HIBADH: variants seen among roughly 807,000 people sequenced by gnomAD.
HIBADH encodes the protein 3-hydroxyisobutyrate dehydrogenase.
In HIBADH, 25 loss-of-function variants were observed where a neutral mutation model predicts 36.1. The observed-to-expected ratio is 0.69, with a 90% CI of 0.50 to 0.97. The LOEUF is 0.97. Ranked by LOEUF, HIBADH falls within the 50% of genes least tolerant of loss-of-function variation. The pLI is 0.00. For synonymous variants in HIBADH, 160 were observed against 149.5 expected, an observed-to-expected ratio of 1.07 and a Z score of -0.51; for missense variants, 421 against 418.0, an observed-to-expected ratio of 1.01 and a Z score of -0.06.
chr7:27,543,939 A>C (rs1470064821), intron 4 of HIBADH, among the ~76,000 whole-genome samples: 1 of 152,204 alleles, frequency 6.6e-6, no homozygotes, highest in Admixed American at 6.5e-5. Flanking sequence ...AGCTTCATTC[A>C]TCTAAATTTT....
rs13310486 is a variant in HIBADH at position 27,557,145 on chromosome 7, G to A, written c.485-14045C>T. 2.4e-3 allele frequency among the ~76,000 whole-genome samples: 350 copies of A among 144,426 alleles called. 4 individuals carry two copies. The highest frequency in any genetic ancestry group is 1.5e-3 in the Non-Finnish European group (98 of 66,004). 94.7% of individuals were successfully genotyped at this position (144,426 alleles called of 152,430 possible). ...ACAGAGTGAGACCCTGTCTAAAAAG[G>A]AAAAAAAAAAAAATTGGCATTTTTT... is the stretch of plus-strand genomic sequence containing the variant. On this transcript the variant is annotated intron_variant, in intron 4 of 7. Coordinates refer to ENST00000265395, the MANE Select transcript of HIBADH (RefSeq NM_152740.4).
intron 6 of HIBADH, among the ~76,000 whole-genome samples, chr7:27,536,875 G>A (rs1298968346): frequency 6.6e-6 from 1 of 152,058 alleles, no homozygotes; most frequent in African/African-American, 2.4e-5. Flanking sequence ...GTATAACCTA[G>A]GTTCATCCAG....
chr7:27,533,954 C>T (rs1784036268), intron 6 of HIBADH, among the ~76,000 whole-genome samples: 1 of 152,210 alleles, frequency 6.6e-6, no homozygotes, highest in Non-Finnish European at 1.5e-5. Context: ...CCCATAATAA[C>T]TTGCCACTGG....
chr7:27,647,758 C>G (rs1310356434), intron 2 of HIBADH: 5 of 374,808 alleles, frequency 1.3e-5, no homozygotes, highest in Non-Finnish European at 2.8e-5. Context: ...GTAATTCAGG[C>G]AGAGCATCAG....
At chr7:27,612,680 T>C (rs1785342207) in intron 4 of HIBADH, among the ~76,000 whole-genome samples, 1 of 149,062 alleles carries the variant, frequency 6.7e-6, no homozygotes, top group African/African-American at 2.5e-5. Flanking sequence ...ACACCTGTAA[T>C]CCCAGCACTT....
chr7:27,554,883 T>C (rs574396447), intron 4 of HIBADH, among the ~76,000 whole-genome samples: 21 of 152,160 alleles, frequency 1.4e-4, no homozygotes, highest in Middle Eastern at 3.2e-3. Context: ...TGGGGTACAG[T>C]TGAAGAGGGT....
chr7:27,655,122 T>C (rs568151779), intron 1 of HIBADH, among the ~76,000 whole-genome samples: 1 of 152,262 alleles, frequency 6.6e-6, no homozygotes, highest in East Asian at 1.9e-4. Context: ...GTATCATATA[T>C]ATAGAAACAA....
intron 4 of HIBADH, among the ~76,000 whole-genome samples, chr7:27,622,648 T>C (rs1292558580): frequency 6.6e-6 from 1 of 152,038 alleles, no homozygotes; most frequent in Non-Finnish European, 1.5e-5. Flanking sequence ...TATTATGAAC[T>C]ACTATACGCT....
intron 1 of HIBADH, among the ~76,000 whole-genome samples, chr7:27,661,523 G>A (rs1041096143): frequency 1.4e-5 from 2 of 141,378 alleles, no homozygotes; most frequent in Non-Finnish European, 3.0e-5. Context: ...AGGAGGTCGA[G>A]ACTGCAGTGA....
At chr7:27,554,769 A>G (rs1001141085) in intron 4 of HIBADH, among the ~76,000 whole-genome samples, 54 of 152,334 alleles carry the variant, frequency 3.5e-4, no homozygotes, top group African/African-American at 1.3e-3. Context: ...GCAGAAAACT[A>G]AAGATTAAGA....
chr7:27,543,233 G>A (rs2128184496), intron 4 of HIBADH, 133 bp from the exon 5 acceptor site: 2 of 850,688 alleles, frequency 2.4e-6, no homozygotes, highest in East Asian at 5.3e-5. Flanking sequence ...GCATGTATAA[G>A]ATACTCTAAA....
At chr7:27,551,106 A>AT (rs551150552) in intron 4 of HIBADH, among the ~76,000 whole-genome samples, 1,926 of 151,642 alleles carry the variant, frequency 0.013, 11 homozygotes, top group Non-Finnish European at 0.014. Context: ...AATATATACA[A>AT]TTTTTTTTTG....
At chr7:27,639,300 G>C (rs542069337) in intron 2 of HIBADH, among the ~76,000 whole-genome samples, 1 of 152,288 alleles carries the variant, frequency 6.6e-6, no homozygotes, top group East Asian at 1.9e-4. Context: ...AACATGGATA[G>C]AGCTGGAGGC....
At chr7:27,589,215 T>TGC (rs1784906729) in intron 4 of HIBADH, among the ~76,000 whole-genome samples, 1 of 152,226 alleles carries the variant, frequency 6.6e-6, no homozygotes, top group African/African-American at 2.4e-5. Flanking sequence ...AGGGTAAGTA[T>TGC]GCTTCTATTA....
At chr7:27,575,511 G>C (rs1260589105) in intron 4 of HIBADH, among the ~76,000 whole-genome samples, 1 of 152,144 alleles carries the variant, frequency 6.6e-6, no homozygotes, top group Admixed American at 6.6e-5. Context: ...TGAGCATCAG[G>C]AACCAGAGAA....
intron 4 of HIBADH, among the ~76,000 whole-genome samples, chr7:27,603,741 C>G (rs940487319): frequency 1.3e-5 from 2 of 152,018 alleles, no homozygotes; most frequent in Non-Finnish European, 2.9e-5. Flanking sequence ...TAAATTTTAT[C>G]TAAAACCAAG....
chr7:27,645,368 A>AT (rs762685685), intron 2 of HIBADH, among the ~76,000 whole-genome samples: 899 of 59,606 alleles, frequency 0.015, 133 homozygotes, highest in Non-Finnish European at 0.021. Context: ...CATGGTTTTG[A>AT]TTTTTTTTTT....
intron 4 of HIBADH, among the ~76,000 whole-genome samples, chr7:27,556,899 G>C (rs762559676): frequency 1.3e-5 from 2 of 152,146 alleles, no homozygotes; most frequent in Non-Finnish European, 2.9e-5. Context: ...GGAGGATAGA[G>C]GATAAAGGAG....
At chr7:27,568,948 C>T (rs1238143308) in intron 4 of HIBADH, among the ~76,000 whole-genome samples, 1 of 143,418 alleles carries the variant, frequency 7.0e-6, no homozygotes, top group Non-Finnish European at 1.5e-5. Context: ...ACACTCATCT[C>T]TGTATGAAAC....
Sources: allele counts gnomAD v4.1 joint callset (sites outside exome capture counted in the v4.1 genomes callset), GRCh38; gene constraint gnomAD v4.1.1; transcripts MANE v1.5; gene names NCBI Gene and HGNC (gene_info 2026-07-23, HGNC 2026-07-21).